BTC: variants seen among roughly 807,000 people sequenced by gnomAD.
BTC encodes the protein betacellulin.
A neutral mutation model predicts 18.1 loss-of-function variants in BTC; 13 were observed. The observed-to-expected ratio is 0.72, with a 90% confidence interval of 0.47 to 1.14. The LOEUF is 1.14. Ranked by LOEUF, BTC falls within the 50% of genes most tolerant of loss-of-function variation. The pLI is 0.00. For missense variants in BTC, 247 were observed against 224.2 expected, an observed-to-expected ratio of 1.10 and a Z score of -0.65; for synonymous variants, 83 against 79.4, an observed-to-expected ratio of 1.05 and a Z score of -0.24.
At chr4:74,791,495 C>A (rs77940172) in intron 1 of BTC, among the ~76,000 whole-genome samples, 6 of 152,074 alleles carry the variant, frequency 3.9e-5, no homozygotes, top group African/African-American at 1.4e-4. Context: ...GAAAATTAAA[C>A]CAAATTAATG....
chr4:74,757,380 G>A (rs1227346603), intron 2 of BTC, among the ~76,000 whole-genome samples: 2 of 152,148 alleles, frequency 1.3e-5, no homozygotes, highest in East Asian at 3.9e-4. Flanking sequence ...AACCTGGTTT[G>A]ATTGGTGACT....
chr4:74,767,859 G>A (rs75051112), intron 2 of BTC, among the ~76,000 whole-genome samples: 4,957 of 151,956 alleles, frequency 0.033, 255 homozygotes, highest in African/African-American at 0.11. Flanking sequence ...AATTGGACCC[G>A]CTTGTTATAC....
chr4:74,754,247 A>G (rs1724538263), intron 3 of BTC, among the ~76,000 whole-genome samples: 1 of 152,214 alleles, frequency 6.6e-6, no homozygotes, highest in Admixed American at 6.5e-5. Flanking sequence ...GGACTGTAAT[A>G]GGGGCACTAT....
intron 2 of BTC, among the ~76,000 whole-genome samples, chr4:74,763,481 T>G (rs1553957534): frequency 6.6e-6 from 1 of 152,108 alleles, no homozygotes; most frequent in Non-Finnish European, 1.5e-5. Flanking sequence ...CATTTTTGCC[T>G]TATTTGCATA....
At chr4:74,752,146 A>C (rs968877646) in intron 3 of BTC, among the ~76,000 whole-genome samples, 4 of 152,204 alleles carry the variant, frequency 2.6e-5, no homozygotes, top group Admixed American at 1.3e-4. Flanking sequence ...CAAAAAAACA[A>C]GCTCAGTAAC....
At position 74,750,582 on chromosome 4, in the gene BTC, G is replaced by A. The variant is rs782425161; in HGVS notation, c.419C>T (p.Thr140Ile). 1.9e-6 allele frequency: 3 copies of A among 1,612,760 alleles called. No individual in the cohort carries two copies. The highest frequency in any genetic ancestry group is 4.5e-5 in the East Asian group (2 of 44,796). The part of the protein sequence containing the change: ...VFIILVIGVC[T>I]CCHPLRKRRK... ...GTTTAAAAATACTTACTGACAGCAT[G>A]TGCAGACACCGATGACCAAAATAAT... Residue 140 changes from threonine to isoleucine, a missense_variant, in exon 4 of 6, where the codon ACA (threonine) becomes ATA (isoleucine). Thr to Ile is a moderately conservative substitution (Grantham distance 89). Transcript: ENST00000395743.
chr4:74,760,766 A>C, intron 2 of BTC, among the ~76,000 whole-genome samples: 1 of 141,624 alleles, frequency 7.1e-6, no homozygotes, highest in African/African-American at 2.7e-5. Flanking sequence ...GCGGAGTCTC[A>C]CTCTGTCGCC....
At chr4:74,756,775 G>T (rs564679870) in intron 2 of BTC, among the ~76,000 whole-genome samples, 1 of 152,278 alleles carries the variant, frequency 6.6e-6, no homozygotes, top group South Asian at 2.1e-4. Flanking sequence ...AAAACTTCAT[G>T]CTCTGGATTT....
At chr4:74,793,127 C>T (rs1010086955) in intron 1 of BTC, among the ~76,000 whole-genome samples, 5 of 152,170 alleles carry the variant, frequency 3.3e-5, no homozygotes, top group African/African-American at 9.7e-5. Context: ...AGTCTCAACC[C>T]CATTGCTCTT....
At chr4:74,794,161 G>T (rs1427303514) in intron 1 of BTC, 101 bp downstream of exon 1, 3 of 1,433,870 alleles carry the variant, frequency 2.1e-6, no homozygotes, top group African/African-American at 2.8e-5. Context: ...GCCCCAGCGC[G>T]CCCTCTTGTC....
intron 1 of BTC, among the ~76,000 whole-genome samples, chr4:74,785,563 A>G (rs28416221): frequency 0.18 from 26,930 of 152,116 alleles, 3,925 homozygotes; most frequent in African/African-American, 0.41. Context: ...CAAGCCCTAC[A>G]TTCTAAGCAG....
rs114643028 is a variant in BTC, at chr4:74,765,258, T to C, written c.163+4800A>G. ...GACAGGAGAACAATACATGAACAAA[T>C]TGAAATTTTCAACAAAGAGATAGAA... On this transcript the variant is annotated intron_variant, in intron 2 of 5. Coordinates refer to ENST00000395743, the MANE Select transcript of BTC (RefSeq NM_001729.4). 6.0e-3 allele frequency among the ~76,000 whole-genome samples: 908 copies of C among 151,956 alleles called. 5 individuals carry two copies. Among genetic ancestry groups the C allele is most frequent in the African/African-American group, 0.019 (781 of 41,396 alleles).
At chr4:74,749,679 G>GTTTTTTTTTTT (rs368443449) in intron 4 of BTC, among the ~76,000 whole-genome samples, 2 of 77,834 alleles carry the variant, frequency 2.6e-5, no homozygotes, top group African/African-American at 5.3e-5. Context: ...TAATAAGATA[G>GTTTTTTTTTTT]TTTTTTTTGT....
intron 3 of BTC, among the ~76,000 whole-genome samples, chr4:74,752,247 A>C (rs1724480185): frequency 6.6e-6 from 1 of 152,230 alleles, no homozygotes; most frequent in African/African-American, 2.4e-5. Flanking sequence ...GATGAATGAA[A>C]GAAAATTGCT....
intron 4 of BTC, among the ~76,000 whole-genome samples, chr4:74,749,439 C>A (rs937680920): frequency 1.3e-5 from 2 of 151,488 alleles, no homozygotes; most frequent in African/African-American, 4.9e-5. Context: ...GCCAAGATCA[C>A]GCCATTGCAC....
At chr4:74,772,974 T>C (rs916153807) in intron 1 of BTC, among the ~76,000 whole-genome samples, 2 of 152,270 alleles carry the variant, frequency 1.3e-5, no homozygotes, top group Admixed American at 6.5e-5. Context: ...CTGGTGTCAG[T>C]TGGCAAAAGG....
At chr4:74,747,600 A>G (rs1724325672) in intron 5 of BTC, among the ~76,000 whole-genome samples, 1 of 152,260 alleles carries the variant, frequency 6.6e-6, no homozygotes, top group Admixed American at 6.5e-5. Flanking sequence ...CAATCTCTCT[A>G]TTGGATCATC....
intron 1 of BTC, among the ~76,000 whole-genome samples, chr4:74,785,432 C>A (rs1386190038): frequency 3.9e-5 from 6 of 152,102 alleles, no homozygotes; most frequent in Non-Finnish European, 8.8e-5. Flanking sequence ...CAGCTCAGCT[C>A]TGATCTTGGG....
chr4:74,767,720 C>T (rs1003488868), intron 2 of BTC, among the ~76,000 whole-genome samples: 16 of 152,094 alleles, frequency 1.1e-4, no homozygotes, highest in African/African-American at 3.6e-4. Flanking sequence ...AATAGACAGT[C>T]GAGCAATAAA....
Sources: gnomAD v4.1 joint callset for allele counts (sites outside exome capture counted in the v4.1 genomes callset) on GRCh38, gnomAD v4.1.1 for gene constraint, MANE v1.5 for transcripts, NCBI Gene and HGNC (gene_info 2026-07-23, HGNC 2026-07-21) for gene names.